CA10: variants seen among roughly 807,000 people sequenced by gnomAD.
CA10 encodes carbonic anhydrase-related protein 10.
Under a neutral mutation model 44.2 loss-of-function variants are expected in CA10, and 14 were observed. That is an observed-to-expected ratio of 0.32 (90% CI 0.21 to 0.50). The LOEUF (loss-of-function observed/expected upper bound fraction) is 0.50, where lower values mean the gene tolerates loss of function less well. Among genes scored for constraint, CA10 ranks in the 20% least tolerant of loss-of-function variants. The pLI, the probability that CA10 is intolerant of heterozygous loss-of-function variation, is 0.99. For synonymous variants in CA10, 159 were observed against 141.6 expected (o/e 1.12, Z -0.87); for missense variants, 350 against 409.7 (o/e 0.85, Z 1.26).
At chr17:51,643,421 C>A (rs919108891) in intron 6 of CA10, among the ~76,000 whole-genome samples, 1 of 152,142 alleles carries the variant, frequency 6.6e-6, no homozygotes, top group Non-Finnish European at 1.5e-5. Flanking sequence ...TTAGTCTTAA[C>A]CCCCAGTCTG....
At chr17:51,682,652 C>A (rs1394316882) in intron 4 of CA10, among the ~76,000 whole-genome samples, 1 of 152,184 alleles carries the variant, frequency 6.6e-6, no homozygotes, top group East Asian at 1.9e-4. Flanking sequence ...GGCTTCATCC[C>A]ATTTACCCCA....
intron 2 of CA10, among the ~76,000 whole-genome samples, chr17:52,028,288 T>A (rs1487035707): frequency 6.6e-6 from 1 of 152,192 alleles, no homozygotes; most frequent in Non-Finnish European, 1.5e-5. Flanking sequence ...ATAGTGAAAC[T>A]GACTACAAGT....
At position 51,694,087 on chromosome 17, in the gene CA10, C is replaced by T. The variant is rs538437465; in HGVS notation, c.466-40351G>A. On this transcript the variant is annotated intron_variant, in intron 4 of 8. Transcript: ENST00000451037. ...GGCGTGGTGGTGCATGCCTGCAATC[C>T]TGGCTACTTGGGAGGCTGAGGCAGG... Among the ~76,000 whole-genome samples, 9 of 152,128 alleles carry T rather than the reference C, an allele frequency of 5.9e-5. No homozygotes were observed. In the East Asian group the frequency reaches 1.5e-3, roughly 26 times the overall value.
At chr17:51,727,147 C>T (rs1435151898) in intron 4 of CA10, among the ~76,000 whole-genome samples, 2 of 152,216 alleles carry the variant, frequency 1.3e-5, no homozygotes, top group African/African-American at 4.8e-5. Context: ...AAAGTGGAGA[C>T]TCCTCAGCAA....
chr17:52,139,924 G>A lies in CA10; in HGVS notation c.61+17802C>T, dbSNP rs202100593. On this transcript the variant is annotated intron_variant, in intron 1 of 8. Coordinates refer to ENST00000451037, the MANE Select transcript of CA10 (RefSeq NM_020178.5). ...GGAGTGGGTGTTTGGAGTGAATTAA[G>A]GAATTATCAAACGAAAGAATAAAAT... 1.3e-4 allele frequency among the ~76,000 whole-genome samples: 20 copies of A among 152,290 alleles called. No individual in the cohort carries two copies. The East Asian group carries it at 3.7e-3, about 28-fold the overall frequency.
intron 4 of CA10, among the ~76,000 whole-genome samples, chr17:51,741,138 T>C (rs1229558886): frequency 6.6e-6 from 1 of 152,194 alleles, no homozygotes; most frequent in Non-Finnish European, 1.5e-5. Flanking sequence ...ATGTGAACAG[T>C]GGCCAAGTGT....
At chr17:52,036,220 T>C (rs576464552) in intron 2 of CA10, among the ~76,000 whole-genome samples, 18 of 152,288 alleles carry the variant, frequency 1.2e-4, no homozygotes, top group African/African-American at 4.3e-4. Flanking sequence ...ATGAATAGAA[T>C]TGATCCAATT....
At chr17:51,700,345 C>T (rs762268707) in intron 4 of CA10, among the ~76,000 whole-genome samples, 15 of 152,170 alleles carry the variant, frequency 9.9e-5, no homozygotes, top group Non-Finnish European at 2.2e-4. Flanking sequence ...CCAAAGCTCT[C>T]CACCCCACTC....
At chr17:52,002,337 G>A (rs560971200) in intron 2 of CA10, among the ~76,000 whole-genome samples, 37 of 152,084 alleles carry the variant, frequency 2.4e-4, no homozygotes, top group South Asian at 6.2e-4. Flanking sequence ...GGAGAGAGGG[G>A]AGGCCAGAGG....
At chr17:52,130,389 C>G (rs1435582449) in intron 1 of CA10, among the ~76,000 whole-genome samples, 1 of 152,140 alleles carries the variant, frequency 6.6e-6, no homozygotes, top group East Asian at 1.9e-4. Flanking sequence ...GTAGCTAAAA[C>G]ATGGAATCCA....
intron 1 of CA10, among the ~76,000 whole-genome samples, chr17:52,137,091 A>T (rs200898163): frequency 6.9e-6 from 1 of 145,880 alleles, no homozygotes; most frequent in African/African-American, 2.5e-5. Flanking sequence ...GGATGTGGGG[A>T]TTTTTTTTTT....
chr17:52,033,461 G>A (rs1261307305), intron 2 of CA10, among the ~76,000 whole-genome samples: 1 of 152,054 alleles, frequency 6.6e-6, no homozygotes, highest in Non-Finnish European at 1.5e-5. Context: ...GAATAAAAAA[G>A]AACATTCATT....
chr17:52,139,975 A>C (rs1989442034), intron 1 of CA10, among the ~76,000 whole-genome samples: 1 of 152,158 alleles, frequency 6.6e-6, no homozygotes, highest in South Asian at 2.1e-4. Context: ...AAACACCCCC[A>C]CCACCACCTT....
At chr17:51,877,252 C>T (rs1598095229) in intron 3 of CA10, among the ~76,000 whole-genome samples, 1 of 152,322 alleles carries the variant, frequency 6.6e-6, no homozygotes. Context: ...CCTGCCAAAC[C>T]TCAAATGGAC....
chr17:51,783,578 C>G (rs1906140724), intron 3 of CA10, among the ~76,000 whole-genome samples: 1 of 151,158 alleles, frequency 6.6e-6, no homozygotes, highest in Non-Finnish European at 1.5e-5. Flanking sequence ...TATACTGAGG[C>G]AGGCAAGGAG....
chr17:51,934,630 G>A (rs1157454507), intron 2 of CA10, among the ~76,000 whole-genome samples: 1 of 152,098 alleles, frequency 6.6e-6, no homozygotes, highest in African/African-American at 2.4e-5. Context: ...AAGGGCCTGG[G>A]TGTGAAAAGA....
At chr17:51,895,691 C>T (rs1019902093) in intron 3 of CA10, among the ~76,000 whole-genome samples, 5 of 151,750 alleles carry the variant, frequency 3.3e-5, no homozygotes, top group African/African-American at 1.2e-4. Flanking sequence ...TAATTTTTAA[C>T]AATATGAAAG....
intron 4 of CA10, among the ~76,000 whole-genome samples, chr17:51,720,420 G>A (rs1916317919): frequency 6.6e-6 from 1 of 152,186 alleles, no homozygotes; most frequent in African/African-American, 2.4e-5. Flanking sequence ...GCCTCAGGAA[G>A]AGGCTGGTCA....
At position 52,100,153 on chromosome 17, in the gene CA10, G is replaced by T. The variant is rs552422438; in HGVS notation, c.62-27760C>A. ...AGCGTATTTGTATAATAATGGAAAT[G>T]GACTAGTTGAAAGGGATAATGTGAT... On this transcript the variant is annotated intron_variant, in intron 1 of 8. Transcript: ENST00000451037. 7.9e-5 allele frequency among the ~76,000 whole-genome samples: 12 copies of T among 152,246 alleles called. No homozygotes were observed. In the South Asian group the frequency reaches 2.3e-3, roughly 29 times the overall value.
Sources: allele counts gnomAD v4.1 joint callset (sites outside exome capture counted in the v4.1 genomes callset), GRCh38; gene constraint gnomAD v4.1.1; transcripts MANE v1.5; gene names NCBI Gene and HGNC (gene_info 2026-07-23, HGNC 2026-07-21).